Variants in IPPK observed in about 807,000 individuals in gnomAD.
IPPK encodes the protein IPK1 homolog.
In IPPK, 22 loss-of-function variants were observed where a neutral mutation model predicts 64.6. The observed-to-expected ratio is 0.34, with a 90% CI of 0.24 to 0.49. IPPK has a LOEUF of 0.49. IPPK is among the 20% of genes least tolerant of loss of function. The pLI is 0.99. For synonymous variants in IPPK, 262 were observed against 247.2 expected, an observed-to-expected ratio of 1.06 and a Z score of -0.56; for missense variants, 532 against 630.7, an observed-to-expected ratio of 0.84 and a Z score of 1.68.
intron 11 of IPPK, among the ~76,000 whole-genome samples, chr9:92,632,451 A>G (rs780775317): frequency 1.3e-5 from 2 of 152,232 alleles, no homozygotes; most frequent in Non-Finnish European, 2.9e-5. Context: ...CTACATTTAC[A>G]TATCAGGTTA....
rs147930862 is a variant in IPPK, at chr9:92,648,110, C to A, written c.453G>T (p.Thr151=). Residue 151 remains threonine, a synonymous_variant, in exon 6 of 13, where the codon ACG becomes ACT. Coordinates refer to ENST00000287996, the MANE Select transcript of IPPK (RefSeq NM_022755.6). ...GACAGACCTTATGCTTCATCTCATG[C>A]GTGACATCACTCGAGAAAGGAATAA... The part of the protein sequence containing the change: ...CGFIPFSSDV[T]HEMKHKVCRY... The A allele has an allele frequency of 1.1e-4, 179 of 1,613,422 alleles. No individual in the cohort carries two copies. The highest frequency in any genetic ancestry group is 1.6e-4 in the Middle Eastern group (1 of 6,082).
At chr9:92,668,559 G>C (rs1172233696) in intron 1 of IPPK, among the ~76,000 whole-genome samples, 3 of 152,200 alleles carry the variant, frequency 2.0e-5, no homozygotes, top group Non-Finnish European at 4.4e-5. Flanking sequence ...AAAATGCAGA[G>C]ATACATCTAA....
At chr9:92,645,466 G>A (rs1852133305) in intron 6 of IPPK, among the ~76,000 whole-genome samples, 2 of 151,746 alleles carry the variant, frequency 1.3e-5, no homozygotes, top group Non-Finnish European at 2.9e-5. Flanking sequence ...TAACTAGAGG[G>A]GCTCAAGAAC....
chr9:92,661,101 C>T (rs892633628), intron 1 of IPPK, among the ~76,000 whole-genome samples: 6 of 152,196 alleles, frequency 3.9e-5, no homozygotes, highest in Non-Finnish European at 5.9e-5. Flanking sequence ...TCAGGGCCCA[C>T]GCTACACTCC....
intron 1 of IPPK, 100 bp downstream of exon 1, chr9:92,669,808 G>T (rs1262112967): frequency 1.2e-5 from 10 of 817,198 alleles, no homozygotes; most frequent in Admixed American, 2.1e-5. Flanking sequence ...GTACTGGGGG[G>T]ACGTGGAACC....
chr9:92,670,058 T>C lies in IPPK; in HGVS notation c.-70A>G. On this transcript the variant is annotated 5_prime_UTR_variant, in exon 1 of 13. Coordinates refer to ENST00000287996, the MANE Select transcript of IPPK (RefSeq NM_022755.6). ...GCGAGCTGGGGGCCGCCCGCCTCGC[T>C]GGGAACCAGCCGCTGCGGTCGGGGG... 2 of 1,175,290 alleles carry C rather than the reference T, an allele frequency of 1.7e-6. No individual in the cohort carries two copies. The highest frequency in any genetic ancestry group is 2.4e-6 in the Non-Finnish European group (2 of 825,680). The allele number at this position is 1,175,290 out of a possible 1,614,324, so 72.8% of individuals were successfully genotyped here.
intron 3 of IPPK, among the ~76,000 whole-genome samples, chr9:92,654,445 T>G (rs979274317): frequency 4.6e-5 from 7 of 152,042 alleles, no homozygotes; most frequent in African/African-American, 1.7e-4. Flanking sequence ...CACTTGAGTC[T>G]GGGAGGTTGA....
At chr9:92,647,625 A>G (rs994444924) in intron 6 of IPPK, among the ~76,000 whole-genome samples, 2 of 152,110 alleles carry the variant, frequency 1.3e-5, no homozygotes, top group African/African-American at 4.8e-5. Flanking sequence ...CCATATTCAT[A>G]GAAAGAGGAA....
chr9:92,668,934 A>G (rs1298870603), intron 1 of IPPK, among the ~76,000 whole-genome samples: 3 of 152,180 alleles, frequency 2.0e-5, no homozygotes, highest in Non-Finnish European at 4.4e-5. Flanking sequence ...AAGCTGTTCG[A>G]CTCGGGCAAT....
At chr9:92,626,614 A>G (rs555036580) in intron 11 of IPPK, among the ~76,000 whole-genome samples, 1 of 152,256 alleles carries the variant, frequency 6.6e-6, no homozygotes, top group Non-Finnish European at 1.5e-5. Context: ...TTAGAGTCCC[A>G]GAAGAAGTGA....
chr9:92,642,754 T>C lies in IPPK; in HGVS notation c.561A>G (p.Ser187=), dbSNP rs370120185. The C allele has an allele frequency of 2.5e-6, 4 of 1,613,254 alleles. No homozygotes were observed. The African/African-American group carries it at 5.3e-5, about 22-fold the overall frequency. ...GCAAAGGAGAAGTGTTCTCTTACCC[T>C]GAGTAGAGATCAAGGGGACAGTATT... is the stretch of plus-strand genomic sequence containing the variant. ...ISKYCPLDLY[S]GNKQRMHFAL... The change falls in exon 7 of 13, where the codon TCA becomes TCG. Residue 187 remains serine, a splice_region_variant and synonymous_variant. Transcript: ENST00000287996.
At chr9:92,647,396 A>C (rs571383783) in intron 6 of IPPK, among the ~76,000 whole-genome samples, 1 of 152,302 alleles carries the variant, frequency 6.6e-6, no homozygotes, top group East Asian at 1.9e-4. Context: ...TGAAAAGAAA[A>C]TAATTCCTAA....
rs911914548 is a variant in IPPK, at chr9:92,628,075, T to C, written c.1170+6311A>G. Among the ~76,000 whole-genome samples, 9 of 152,276 alleles carry C rather than the reference T, an allele frequency of 5.9e-5. No individual in the cohort carries two copies. In the East Asian group the frequency reaches 1.5e-3, roughly 26 times the overall value. ...GTAATGAGCAATCTGAAAATGGAAT[T>C]CAGAAAACAATTCCATTTACAACAG... On this transcript the variant is annotated intron_variant, in intron 11 of 12. Transcript: ENST00000287996.
chr9:92,658,345 C>A, intron 2 of IPPK, among the ~76,000 whole-genome samples: 1 of 152,208 alleles, frequency 6.6e-6, no homozygotes, highest in East Asian at 1.9e-4. Context: ...GCAAAGCTTG[C>A]CTGATCCTGG....
At chr9:92,669,152 C>T (rs1852669258) in intron 1 of IPPK, among the ~76,000 whole-genome samples, 1 of 152,108 alleles carries the variant, frequency 6.6e-6, no homozygotes, top group Non-Finnish European at 1.5e-5. Context: ...CTACATGACA[C>T]CTATCCTCGC....
rs371587954 is a variant in IPPK at position 92,669,997 on chromosome 9, G to A, written c.-9C>T. 6 of 1,604,474 alleles carry A rather than the reference G, an allele frequency of 3.7e-6. No individual in the cohort carries two copies. Among genetic ancestry groups the A allele is most frequent in the Middle Eastern group, 1.7e-4 (1 of 6,058 alleles). On this transcript the variant is annotated 5_prime_UTR_variant, in exon 1 of 13. Transcript: ENST00000287996. ...ATCTTCCCCTCTTCCATGCCCAGGCGCAGCCCTGGCGCCTCGCGGGCTAGG... is the reference window on the plus strand; with the variant it reads ...ATCTTCCCCTCTTCCATGCCCAGGCACAGCCCTGGCGCCTCGCGGGCTAGG...
chr9:92,643,270 C>T (rs185863842), intron 6 of IPPK, among the ~76,000 whole-genome samples: 1 of 152,258 alleles, frequency 6.6e-6, no homozygotes, highest in East Asian at 1.9e-4. Context: ...GCTTATGTCC[C>T]CTGGCTCAGC....
At chr9:92,666,389 A>T (rs1426565200) in intron 1 of IPPK, among the ~76,000 whole-genome samples, 1 of 152,204 alleles carries the variant, frequency 6.6e-6, no homozygotes, top group Non-Finnish European at 1.5e-5. Context: ...ACAGGAGAGA[A>T]ATCCTGCGGC....
At chr9:92,658,516 G>A in intron 2 of IPPK, 118 bp downstream of exon 2, 2 of 873,538 alleles carry the variant, frequency 2.3e-6, no homozygotes, top group East Asian at 4.8e-5. Context: ...TTTCTGCACT[G>A]AATGCTTGTA....
Sources: allele counts gnomAD v4.1 joint callset (sites outside exome capture counted in the v4.1 genomes callset), GRCh38; gene constraint gnomAD v4.1.1; transcripts MANE v1.5; gene names NCBI Gene and HGNC (gene_info 2026-07-23, HGNC 2026-07-21).